LCORL: variants seen among roughly 807,000 people sequenced by gnomAD.
LCORL encodes ligand-dependent nuclear receptor corepressor-like protein.
In LCORL, 41 loss-of-function variants were observed where a neutral mutation model predicts 141.8. The observed-to-expected ratio is 0.29, with a 90% CI of 0.23 to 0.38. LCORL has a LOEUF of 0.38. Among genes scored for constraint, LCORL ranks in the 10% least tolerant of loss-of-function variants. The pLI, the probability that LCORL is intolerant of heterozygous loss-of-function variation, is 1.00. For missense variants in LCORL, 1,759 were observed against 2,035.0 expected, an observed-to-expected ratio of 0.86 and a Z score of 2.61; for synonymous variants, 618 against 694.1, an observed-to-expected ratio of 0.89 and a Z score of 1.72.
At chr4:17,845,856 C>T in exon 8 of LCORL, 1 of 1,613,486 alleles carries the variant, frequency 6.2e-7, no homozygotes, top group Non-Finnish European at 8.5e-7. Context: ...TTGCTGTATT[C>T]TCATCAGACA....
chr4:17,990,096 GTTT>G (rs372033680), intron 1 of LCORL, among the ~76,000 whole-genome samples: 9 of 122,650 alleles, frequency 7.3e-5, no homozygotes, highest in African/African-American at 2.2e-4. Context: ...AACTCTCTGC[GTTT>G]TTTTTTTTTT....
chr4:17,908,204 G>T (rs1002117229), intron 5 of LCORL, among the ~76,000 whole-genome samples: 6 of 150,322 alleles, frequency 4.0e-5, no homozygotes, highest in African/African-American at 1.5e-4. Context: ...GGCTAATTTT[G>T]TATTTTTAGT....
At chr4:17,866,824 A>G (rs919709796) in intron 7 of LCORL, 3 of 189,364 alleles carry the variant, frequency 1.6e-5, no homozygotes, top group African/African-American at 7.1e-5. Flanking sequence ...GGTAGTTAGG[A>G]GAGCTGAACT....
intron 5 of LCORL, among the ~76,000 whole-genome samples, chr4:17,892,915 A>G (rs978609307): frequency 1.3e-5 from 2 of 152,204 alleles, no homozygotes; most frequent in African/African-American, 4.8e-5. Flanking sequence ...TTAGCCAAAT[A>G]TATTATTTAA....
At chr4:17,961,679 G>A (rs1049224927) in intron 4 of LCORL, among the ~76,000 whole-genome samples, 8 of 151,960 alleles carry the variant, frequency 5.3e-5, no homozygotes, top group African/African-American at 1.9e-4. Flanking sequence ...TAAAGTCAGA[G>A]AGATACTTGA....
chr4:17,991,472 A>G (rs774135198), intron 1 of LCORL, among the ~76,000 whole-genome samples: 5 of 152,246 alleles, frequency 3.3e-5, no homozygotes, highest in Non-Finnish European at 7.3e-5. Context: ...AACTGAGTTC[A>G]GAAAACTGGG....
chr4:17,952,564 C>T (rs1476441713), intron 4 of LCORL, among the ~76,000 whole-genome samples: 2 of 151,818 alleles, frequency 1.3e-5, no homozygotes, highest in South Asian at 2.1e-4. Context: ...TACAGGCAGC[C>T]GCCACCACGC....
intron 5 of LCORL, among the ~76,000 whole-genome samples, chr4:17,907,747 G>A (rs1395683757): frequency 6.6e-6 from 1 of 152,140 alleles, no homozygotes; most frequent in African/African-American, 2.4e-5. Flanking sequence ...TATAGTCAGT[G>A]TGTTAGTGTA....
At chr4:17,892,820 T>A (rs969189207) in intron 5 of LCORL, among the ~76,000 whole-genome samples, 4 of 152,194 alleles carry the variant, frequency 2.6e-5, no homozygotes, top group African/African-American at 9.6e-5. Flanking sequence ...TTCAAAAGGT[T>A]TCAAGTCAGT....
intron 2 of LCORL, among the ~76,000 whole-genome samples, chr4:17,965,309 T>C (rs925087629): frequency 2.6e-5 from 4 of 152,094 alleles, no homozygotes; most frequent in Non-Finnish European, 5.9e-5. Flanking sequence ...CATGGAAAAA[T>C]AGCTTTTGAA....
intron 7 of LCORL, among the ~76,000 whole-genome samples, chr4:17,869,264 A>C (rs775729015): frequency 7.9e-5 from 12 of 152,118 alleles, no homozygotes; most frequent in Non-Finnish European, 1.5e-4. Context: ...ACCCCAGCTT[A>C]ATCTAGCTAA....
At chr4:17,952,489 C>G (rs1212115944) in intron 4 of LCORL, among the ~76,000 whole-genome samples, 1 of 149,652 alleles carries the variant, frequency 6.7e-6, no homozygotes, top group Admixed American at 6.7e-5. Context: ...GATCTCGGCT[C>G]ACTGCAAGCT....
chr4:17,964,863 G>GC (rs11419092), intron 2 of LCORL, among the ~76,000 whole-genome samples: 34,265 of 149,350 alleles, frequency 0.23, 5,004 homozygotes, highest in African/African-American at 0.42. Context: ...AAATCTTACT[G>GC]CCCTTTTTTT....
rs1010158579 is a variant in LCORL at position 17,878,221 on chromosome 4, T to C, written c.777-8A>G. ...TTTGCATCAACAGTTGAACTAAAAA[T>C]AAAAATCAAACAAAAAATGAATTGC... is the stretch of plus-strand genomic sequence containing the variant. On this transcript the variant is annotated splice_region_variant and splice_polypyrimidine_tract_variant and intron_variant, in intron 6 of 7. Transcript: ENST00000635767. 14 of 1,228,054 alleles carry C rather than the reference T, an allele frequency of 1.1e-5. No homozygotes were observed. In the African/African-American group the frequency reaches 2.2e-4, roughly 19 times the overall value. 76.1% of individuals were successfully genotyped at this position (1,228,054 alleles called of 1,614,324 possible).
rs368176519 is a variant in LCORL at position 17,924,593 on chromosome 4, G to A, written c.431-15248C>T. The stretch of plus-strand genomic sequence containing the variant: ...GAATAGACACTTACTCCAGATACAG[G>A]TCTGCCTATCCTGCACGCAATGCTT... On this transcript the variant is annotated intron_variant, in intron 4 of 7. Coordinates refer to ENST00000635767, the Ensembl canonical transcript of LCORL. Among the ~76,000 whole-genome samples the A allele has an allele frequency of 9.2e-5, 14 of 152,296 alleles. No homozygotes were observed. The East Asian group carries it at 2.5e-3, about 27-fold the overall frequency.
intron 4 of LCORL, chr4:17,911,691 C>T: frequency 2.0e-6 from 1 of 502,568 alleles, no homozygotes; most frequent in Non-Finnish European, 4.0e-6. Flanking sequence ...TCACCACTTG[C>T]TCCACCTTCT....
At chr4:17,949,277 C>G (rs563635441) in intron 4 of LCORL, among the ~76,000 whole-genome samples, 2 of 152,200 alleles carry the variant, frequency 1.3e-5, no homozygotes, top group South Asian at 4.1e-4. Context: ...CATAGTGATG[C>G]TAAGGGTGGG....
intron 4 of LCORL, among the ~76,000 whole-genome samples, chr4:17,913,810 A>G (rs1732951291): frequency 6.6e-6 from 1 of 152,214 alleles, no homozygotes; most frequent in Admixed American, 6.5e-5. Context: ...ATTTTTCTTC[A>G]GTTAATAACG....
intron 1 of LCORL, among the ~76,000 whole-genome samples, chr4:18,011,186 A>G (rs1183019927): frequency 6.6e-6 from 1 of 152,154 alleles, no homozygotes; most frequent in Non-Finnish European, 1.5e-5. Flanking sequence ...GGTAATAGAA[A>G]GATTATTTTG....
Sources: allele counts gnomAD v4.1 joint callset (sites outside exome capture counted in the v4.1 genomes callset), GRCh38; gene constraint gnomAD v4.1.1; transcripts MANE v1.5; gene names NCBI Gene and HGNC (gene_info 2026-07-23, HGNC 2026-07-21).